The following MAML3 variants were observed in gnomAD, a reference collection of about 807,000 sequenced individuals.
The protein encoded by MAML3 is mastermind like transcriptional coactivator 3.
Under a neutral mutation model 101.9 loss-of-function variants are expected in MAML3, and 27 were observed. That is an observed-to-expected ratio of 0.27 (90% CI 0.20 to 0.37). The LOEUF (loss-of-function observed/expected upper bound fraction) is 0.37. Ranked by LOEUF, MAML3 falls within the 10% of genes least tolerant of loss-of-function variation. MAML3 has a pLI of 1.00. For missense variants in MAML3, 1,316 were observed against 1,444.9 expected (o/e 0.91, Z 1.45); for synonymous variants, 501 against 555.9 (o/e 0.90, Z 1.39).
chr4:139,879,959 G>C (rs912485847), intron 2 of MAML3, among the ~76,000 whole-genome samples: 1 of 152,116 alleles, frequency 6.6e-6, no homozygotes, highest in Admixed American at 6.5e-5. Flanking sequence ...GATTGCCTGA[G>C]CTTAGGAGTT....
At chr4:139,844,188 A>C (rs1489775961) in intron 2 of MAML3, among the ~76,000 whole-genome samples, 1 of 152,188 alleles carries the variant, frequency 6.6e-6, no homozygotes, top group Non-Finnish European at 1.5e-5. Context: ...TAAGCGAAAC[A>C]CCTTCAAGTT....
intron 1 of MAML3, among the ~76,000 whole-genome samples, chr4:140,095,478 C>T (rs982068851): frequency 6.6e-6 from 1 of 152,186 alleles, no homozygotes; most frequent in African/African-American, 2.4e-5. Context: ...CTCTCCTCAT[C>T]TCCTACATCC....
At chr4:139,723,674 TAACACAGGGG>T (rs1728351372) in intron 4 of MAML3, among the ~76,000 whole-genome samples, 1 of 152,168 alleles carries the variant, frequency 6.6e-6, no homozygotes, top group Non-Finnish European at 1.5e-5. Context: ...CTATGTTCTG[TAACACAGGGG>T]AATTATTAAA....
chr4:139,955,901 G>A (rs1473609235), intron 1 of MAML3, among the ~76,000 whole-genome samples: 1 of 152,042 alleles, frequency 6.6e-6, no homozygotes, highest in Non-Finnish European at 1.5e-5. Flanking sequence ...GCCCCTGAGT[G>A]CCTAGGTGGA....
Position 140,153,520 on chromosome 4 carries a change from T to A in MAML3, c.-193A>T. On this transcript the variant is annotated 5_prime_UTR_variant, in exon 1 of 5. Coordinates refer to ENST00000509479, the MANE Select transcript of MAML3 (RefSeq NM_018717.5). Reference sequence around the variant, plus strand: ...TTTGGGGTGGTTTTTGTTTCCTTTTTTTAAACTGTAAAAGCTCAAGGGGAA... The same window carrying A: ...TTTGGGGTGGTTTTTGTTTCCTTTTATTAAACTGTAAAAGCTCAAGGGGAA... 1 of 590,804 alleles carries A rather than the reference T, an allele frequency of 1.7e-6. No homozygotes were observed. The highest frequency in any genetic ancestry group is 2.8e-6 in the Non-Finnish European group (1 of 354,558). 36.6% of individuals were successfully genotyped at this position (590,804 alleles called of 1,614,324 possible).
chr4:140,023,494 C>T (rs1285274455), intron 1 of MAML3, among the ~76,000 whole-genome samples: 1 of 152,176 alleles, frequency 6.6e-6, no homozygotes, highest in Non-Finnish European at 1.5e-5. Flanking sequence ...CACATTCAGT[C>T]CTTTATGCCC....
intron 1 of MAML3, among the ~76,000 whole-genome samples, chr4:140,137,639 C>G (rs901750516): frequency 1.3e-5 from 2 of 152,208 alleles, no homozygotes; most frequent in Non-Finnish European, 2.9e-5. Flanking sequence ...AAAGTATGCA[C>G]TATCTTTGTT....
At chr4:139,947,624 C>T (rs1401166408) in intron 1 of MAML3, among the ~76,000 whole-genome samples, 1 of 152,166 alleles carries the variant, frequency 6.6e-6, no homozygotes, top group African/African-American at 2.4e-5. Flanking sequence ...ATTTATGGGG[C>T]TTAATTAACC....
chr4:139,979,488 C>T (rs1302176586), intron 1 of MAML3, among the ~76,000 whole-genome samples: 1 of 152,158 alleles, frequency 6.6e-6, no homozygotes, highest in Non-Finnish European at 1.5e-5. Flanking sequence ...TCTATCCATG[C>T]CCAGCCACTA....
chr4:140,045,310 G>A (rs1311253960), intron 1 of MAML3, among the ~76,000 whole-genome samples: 10 of 150,366 alleles, frequency 6.7e-5, no homozygotes, highest in Non-Finnish European at 1.3e-4. Context: ...CAGGAGAATC[G>A]CTTGAATCCA....
intron 1 of MAML3, among the ~76,000 whole-genome samples, chr4:140,002,767 C>A (rs951204840): frequency 6.6e-6 from 1 of 152,146 alleles, no homozygotes; most frequent in Non-Finnish European, 1.5e-5. Context: ...TGGCAAGTAC[C>A]GCTTGATTTG....
At chr4:139,837,122 CAAAA>C (rs34871581) in intron 2 of MAML3, among the ~76,000 whole-genome samples, 6 of 84,420 alleles carry the variant, frequency 7.1e-5, no homozygotes, top group Non-Finnish European at 6.6e-5. Flanking sequence ...AACTCTGTCT[CAAAA>C]AAAAAAAAAA....
chr4:140,146,504 A>G (rs886485632), intron 1 of MAML3, among the ~76,000 whole-genome samples: 6 of 152,184 alleles, frequency 3.9e-5, no homozygotes, highest in African/African-American at 1.4e-4. Flanking sequence ...ACTTTCTTAG[A>G]TTTAAACAAC....
intron 2 of MAML3, among the ~76,000 whole-genome samples, chr4:139,820,061 T>G (rs1286361045): frequency 2.0e-5 from 3 of 152,208 alleles, no homozygotes; most frequent in African/African-American, 7.2e-5. Flanking sequence ...TCCATATGAC[T>G]GCCACTAGAC....
At chr4:140,092,381 G>A (rs1246297706) in intron 1 of MAML3, among the ~76,000 whole-genome samples, 1 of 151,948 alleles carries the variant, frequency 6.6e-6, no homozygotes, top group Non-Finnish European at 1.5e-5. Context: ...CATCAACAAG[G>A]CAATCCTTCA....
chr4:139,764,408 A>T (rs1729812910), intron 2 of MAML3, among the ~76,000 whole-genome samples: 1 of 152,310 alleles, frequency 6.6e-6, no homozygotes, highest in East Asian at 1.9e-4. Context: ...GTGCCCCTGC[A>T]TGTTGCCGGG....
intron 1 of MAML3, among the ~76,000 whole-genome samples, chr4:140,045,914 G>C (rs887784220): frequency 2.6e-5 from 4 of 152,188 alleles, no homozygotes; most frequent in African/African-American, 9.7e-5. Context: ...TAGTCTTCTA[G>C]GGTTAAGCGC....
chr4:139,832,854 C>A (rs1234330772), intron 2 of MAML3, among the ~76,000 whole-genome samples: 2 of 152,238 alleles, frequency 1.3e-5, no homozygotes, highest in East Asian at 3.8e-4. Context: ...TTGTCCACAT[C>A]ATCCGCAGTG....
At chr4:140,093,092 G>C (rs1055938018) in intron 1 of MAML3, among the ~76,000 whole-genome samples, 1 of 152,178 alleles carries the variant, frequency 6.6e-6, no homozygotes, top group Non-Finnish European at 1.5e-5. Context: ...CAGATTTCCA[G>C]GCACGATGTT....
Sources: allele counts gnomAD v4.1 joint callset (sites outside exome capture counted in the v4.1 genomes callset), GRCh38; gene constraint gnomAD v4.1.1; transcripts MANE v1.5; gene names NCBI Gene and HGNC (gene_info 2026-07-23, HGNC 2026-07-21).